SLC6A6: variants seen among roughly 807,000 people sequenced by gnomAD.
The protein encoded by SLC6A6 is solute carrier family 6 member 6.
SLC6A6 carries 16 observed loss-of-function variants against 68.8 expected under a neutral mutation model. The ratio of observed to expected loss-of-function variants is 0.23; its 90% CI spans 0.16 to 0.35. The LOEUF is 0.35. Among genes scored for constraint, SLC6A6 ranks in the 10% least tolerant of loss-of-function variants. The pLI is 1.00. For synonymous variants in SLC6A6, 312 were observed against 315.4 expected (o/e 0.99, Z 0.12); for missense variants, 474 against 802.8 (o/e 0.59, Z 4.95).
chr3:14,468,647 C>T lies in SLC6A6; in HGVS notation c.1096+435C>T, dbSNP rs780061794. Among the ~76,000 whole-genome samples, 3 of 152,184 alleles carry T rather than the reference C, an allele frequency of 2.0e-5. No homozygotes were observed. The highest frequency in any genetic ancestry group is 4.4e-5 in the Non-Finnish European group (3 of 68,032). On this transcript the variant is annotated intron_variant, in intron 9 of 14. Coordinates refer to ENST00000622186, the MANE Select transcript of SLC6A6 (RefSeq NM_003043.6). This position sits in a 1 kb window ranked among gnomAD's most constrained non-coding sequence, Gnocchi z 4.5. ...TCCCAGCGTGCTCCCTCTAAGCAGA[C>T]GCATTCATCCATCCCACCGATTTCT...
At chr3:14,429,315 G>GCCCTCA (rs1315906396) in intron 2 of SLC6A6, among the ~76,000 whole-genome samples, 7 of 152,208 alleles carry the variant, frequency 4.6e-5, no homozygotes, top group African/African-American at 1.7e-4. Context: ...GAGGGCCAAG[G>GCCCTCA]TCTTCATCTG....
chr3:14,417,811 C>T (rs1156255361), intron 2 of SLC6A6, among the ~76,000 whole-genome samples: 1 of 151,376 alleles, frequency 6.6e-6, no homozygotes, highest in African/African-American at 2.4e-5. Context: ...ACTGATTTAA[C>T]ATTGACGTGA....
intron 13 of SLC6A6, among the ~76,000 whole-genome samples, chr3:14,479,801 T>C (rs1157422932): frequency 3.3e-5 from 5 of 152,202 alleles, no homozygotes; most frequent in Admixed American, 6.5e-5. Context: ...CCATGCAGTC[T>C]GCTTCATGGT....
chr3:14,484,476 C>G (rs1246504872), intron 14 of SLC6A6, among the ~76,000 whole-genome samples: 1 of 152,110 alleles, frequency 6.6e-6, no homozygotes, highest in Non-Finnish European at 1.5e-5. Context: ...CAACTCAGGG[C>G]ATACAAATGA....
chr3:14,475,327 C>T (rs1700851029), intron 10 of SLC6A6, among the ~76,000 whole-genome samples: 1 of 152,054 alleles, frequency 6.6e-6, no homozygotes, highest in South Asian at 2.1e-4. Context: ...CCACTGCACC[C>T]AGCTGGGACA....
chr3:14,427,331 C>G (rs922659570), intron 2 of SLC6A6, among the ~76,000 whole-genome samples: 1 of 152,164 alleles, frequency 6.6e-6, no homozygotes, highest in African/African-American at 2.4e-5. Flanking sequence ...GGATCGCCAT[C>G]CACCCTGTGA....
At chr3:14,405,541 G>A (rs746215347) in intron 1 of SLC6A6, among the ~76,000 whole-genome samples, 1 of 152,246 alleles carries the variant, frequency 6.6e-6, no homozygotes, top group African/African-American at 2.4e-5. Context: ...GGGAATTGGG[G>A]TTGGCCTGAA....
chr3:14,417,500 G>C (rs1478066630), intron 2 of SLC6A6, among the ~76,000 whole-genome samples: 3 of 152,100 alleles, frequency 2.0e-5, no homozygotes, highest in Non-Finnish European at 4.4e-5. Flanking sequence ...GGGAGGCCAA[G>C]GTGGGCAGAT....
intron 3 of SLC6A6, chr3:14,444,144 C>G (rs2124944849): frequency 2.6e-6 from 1 of 388,342 alleles, no homozygotes; most frequent in South Asian, 3.6e-5. Context: ...TCCAAAGAGG[C>G]AGGACAAGGC....
At chr3:14,408,911 A>G (rs1699170949) in intron 1 of SLC6A6, among the ~76,000 whole-genome samples, 1 of 151,964 alleles carries the variant, frequency 6.6e-6, no homozygotes, top group Non-Finnish European at 1.5e-5. Flanking sequence ...GGTTCAGGCC[A>G]TTCTCCTGCC....
intron 2 of SLC6A6, among the ~76,000 whole-genome samples, chr3:14,417,589 A>G (rs1201575274): frequency 2.6e-5 from 4 of 152,152 alleles, no homozygotes; most frequent in Non-Finnish European, 5.9e-5. Context: ...AAAATTAGCC[A>G]GACGTGGTGG....
intron 5 of SLC6A6, among the ~76,000 whole-genome samples, chr3:14,451,354 GGATGA>G (rs1700247649): frequency 6.6e-6 from 1 of 152,208 alleles, no homozygotes; most frequent in Non-Finnish European, 1.5e-5. Flanking sequence ...GGGCTTTGAA[GGATGA>G]GTAGAAGTTC....
intron 5 of SLC6A6, among the ~76,000 whole-genome samples, chr3:14,449,396 G>A (rs1469139167): frequency 6.6e-6 from 1 of 152,248 alleles, no homozygotes. Context: ...GACAAAGAAA[G>A]GCTGGCACTT....
At chr3:14,414,587 A>T (rs982724717) in intron 1 of SLC6A6, among the ~76,000 whole-genome samples, 1 of 151,922 alleles carries the variant, frequency 6.6e-6, no homozygotes, top group Non-Finnish European at 1.5e-5. Flanking sequence ...CTGCAGTGGT[A>T]CGATCACTGC....
intron 5 of SLC6A6, among the ~76,000 whole-genome samples, chr3:14,453,805 G>A (rs1028304037): frequency 2.0e-5 from 3 of 152,206 alleles, no homozygotes; most frequent in Non-Finnish European, 2.9e-5. Context: ...TGGCCTTTGA[G>A]CAGAGACCTG....
chr3:14,419,999 T>C (rs953098487), intron 2 of SLC6A6, among the ~76,000 whole-genome samples: 10 of 152,294 alleles, frequency 6.6e-5, no homozygotes, highest in East Asian at 5.8e-4. Context: ...AGTGTTGATA[T>C]AACAGGCCCA....
chr3:14,484,836 T>C lies in SLC6A6; in HGVS notation c.1723-31T>C, dbSNP rs774265514. The C allele has an allele frequency of 1.9e-6, 3 of 1,605,432 alleles. No homozygotes were observed. In the African/African-American group the frequency reaches 4.0e-5, roughly 21 times the overall value. On this transcript the variant is annotated intron_variant, in intron 14 of 14. Transcript: ENST00000622186. Reference sequence around the variant, plus strand: ...AAGGGGAGACCAGGCCGCCTGACGTTTCCCCCCTCACTCCTGTCATCCTTC... The same window carrying C: ...AAGGGGAGACCAGGCCGCCTGACGTCTCCCCCCTCACTCCTGTCATCCTTC...
chr3:14,435,097 A>G (rs1559293635), intron 2 of SLC6A6, among the ~76,000 whole-genome samples: 1 of 152,198 alleles, frequency 6.6e-6, no homozygotes, highest in Non-Finnish European at 1.5e-5. Flanking sequence ...ACTAAGAAGA[A>G]CTACGTGGTC....
In SLC6A6 at chr3:14,466,431, T is replaced by G. The variant is rs1032982672; in HGVS notation, c.733-85T>G. 5.5e-6 allele frequency: 8 copies of G among 1,457,560 alleles called. No individual in the cohort carries two copies. In the African/African-American group the frequency reaches 7.0e-5, roughly 13 times the overall value. 90.3% of individuals were successfully genotyped at this position (1,457,560 alleles called of 1,614,324 possible). A position where few individuals can be genotyped will look rare whatever the true frequency, so the allele number is the denominator to read the frequency against. On this transcript the variant is annotated intron_variant, in intron 6 of 14. Coordinates refer to ENST00000622186, the MANE Select transcript of SLC6A6 (RefSeq NM_003043.6). ...CAGAACTCCTGATCCTGACCAGTGC[T>G]CCCCTCTGCCTCTCTGAGAGGATGC...
Sources: allele counts gnomAD v4.1 joint callset (sites outside exome capture counted in the v4.1 genomes callset), GRCh38; gene constraint gnomAD v4.1.1; non-coding constraint Gnocchi (gnomAD v3.1); transcripts MANE v1.5; gene names NCBI Gene and HGNC (gene_info 2026-07-23, HGNC 2026-07-21).